The following TCF12 variants were observed in gnomAD, a reference collection of about 807,000 sequenced individuals.
TCF12 encodes the protein DNA-binding protein HTF4.
TCF12 carries 45 observed loss-of-function variants against 86.0 expected under a neutral mutation model. That is an observed-to-expected ratio of 0.52 (90% CI 0.41 to 0.67). TCF12 has a LOEUF of 0.67. Among genes scored for constraint, TCF12 ranks in the 30% least tolerant of loss-of-function variants. The pLI is 0.00. For missense variants in TCF12, 881 were observed against 859.9 expected (o/e 1.02, Z -0.31); for synonymous variants, 330 against 299.6 (o/e 1.10, Z -1.05).
At chr15:56,962,517 A>G (rs965281924) in intron 3 of TCF12, among the ~76,000 whole-genome samples, 2 of 152,204 alleles carry the variant, frequency 1.3e-5, no homozygotes, top group Non-Finnish European at 2.9e-5. Context: ...ATTACTATCC[A>G]TGTTAAAGAA....
chr15:57,251,530 T>C, intron 14 of TCF12, 107 bp downstream of exon 14: 1 of 1,056,658 alleles, frequency 9.5e-7, no homozygotes, highest in Non-Finnish European at 1.4e-6. Context: ...TGCACATGAA[T>C]TCTTTGCTAA....
At chr15:57,184,825 C>T (rs2056571996) in intron 6 of TCF12, among the ~76,000 whole-genome samples, 1 of 152,062 alleles carries the variant, frequency 6.6e-6, no homozygotes. Context: ...TTAATGATTC[C>T]TAGGTCATAC....
chr15:57,252,349 G>A, intron 14 of TCF12, 72 bp from the exon 15 acceptor site: 2 of 1,139,542 alleles, frequency 1.8e-6, no homozygotes, highest in South Asian at 1.3e-5. Context: ...ATGCATATCA[G>A]CTATTTCCTC....
chr15:57,139,117 A>G (rs1389959535), intron 5 of TCF12, among the ~76,000 whole-genome samples: 2 of 152,082 alleles, frequency 1.3e-5, no homozygotes, highest in Non-Finnish European at 2.9e-5. Context: ...AATTAATCTC[A>G]GTCAGTCTCA....
chr15:56,971,280 T>C (rs972452865), intron 3 of TCF12, among the ~76,000 whole-genome samples: 20 of 150,078 alleles, frequency 1.3e-4, no homozygotes, highest in Admixed American at 7.3e-4. Context: ...AAAAAAAAAT[T>C]AGCTGGGCGT....
intron 5 of TCF12, among the ~76,000 whole-genome samples, chr15:57,114,037 C>T (rs967482974): frequency 5.3e-5 from 8 of 152,090 alleles, no homozygotes; most frequent in African/African-American, 1.9e-4. Context: ...TAGATCTTCT[C>T]AATAGGGGTG....
intron 3 of TCF12, among the ~76,000 whole-genome samples, chr15:57,036,274 TGAA>T (rs1232815108): frequency 1.3e-5 from 2 of 152,030 alleles, no homozygotes; most frequent in Non-Finnish European, 2.9e-5. Context: ...TTTTTTTCAC[TGAA>T]GAAGTCATAG....
At chr15:57,015,986 A>G (rs1484124889) in intron 3 of TCF12, among the ~76,000 whole-genome samples, 1 of 152,176 alleles carries the variant, frequency 6.6e-6, no homozygotes, top group Non-Finnish European at 1.5e-5. Flanking sequence ...ATTTAAGGAA[A>G]CATCATATAG....
intron 13 of TCF12, among the ~76,000 whole-genome samples, chr15:57,246,286 T>G (rs1208675431): frequency 6.6e-6 from 1 of 152,190 alleles, no homozygotes; most frequent in Non-Finnish European, 1.5e-5. Flanking sequence ...AGTGTTTTCC[T>G]TGGGAACTTT....
intron 5 of TCF12, among the ~76,000 whole-genome samples, chr15:57,140,539 G>T (rs2052886025): frequency 6.6e-6 from 1 of 152,156 alleles, no homozygotes; most frequent in Non-Finnish European, 1.5e-5. Context: ...GTTTGATAAG[G>T]TTCCTGCATT....
At chr15:56,928,365 A>G (rs1229703199) in intron 3 of TCF12, among the ~76,000 whole-genome samples, 4 of 152,178 alleles carry the variant, frequency 2.6e-5, no homozygotes, top group Admixed American at 1.3e-4. Context: ...ATCATTATAA[A>G]GCCAGTATTA....
intron 3 of TCF12, among the ~76,000 whole-genome samples, chr15:56,946,665 A>G (rs1274205315): frequency 6.6e-6 from 1 of 151,486 alleles, no homozygotes; most frequent in Non-Finnish European, 1.5e-5. Context: ...TACATTATTG[A>G]GTGTTTGGAT....
chr15:57,140,093 A>T (rs953554420), intron 5 of TCF12, among the ~76,000 whole-genome samples: 2 of 152,210 alleles, frequency 1.3e-5, no homozygotes, highest in African/African-American at 4.8e-5. Context: ...TGAAAGAGAC[A>T]TTTGTACACC....
intron 3 of TCF12, among the ~76,000 whole-genome samples, chr15:57,020,682 A>G (rs1596153599): frequency 6.6e-6 from 1 of 152,176 alleles, no homozygotes; most frequent in African/African-American, 2.4e-5. Flanking sequence ...ATAAACATAT[A>G]TTGTTTAATT....
chr15:57,167,721 A>G (rs1259723465), intron 6 of TCF12, among the ~76,000 whole-genome samples: 1 of 152,172 alleles, frequency 6.6e-6, no homozygotes, highest in East Asian at 1.9e-4. Flanking sequence ...TTTGTTAAAT[A>G]TCATAGATTT....
At chr15:57,251,184 T>C (rs1269849127) in intron 13 of TCF12, 166 bp from the exon 14 acceptor site, 4 of 472,466 alleles carry the variant, frequency 8.5e-6, no homozygotes, top group Non-Finnish European at 1.5e-5. Context: ...AATGAAAGAT[T>C]TTTTAAAATG....
chr15:57,273,393 G>T (rs2061235876), intron 19 of TCF12, 131 bp downstream of exon 19: 5 of 953,570 alleles, frequency 5.2e-6, no homozygotes, highest in Admixed American at 5.5e-5. Flanking sequence ...TATCATCAGG[G>T]TCGTTTTTCC....
intron 5 of TCF12, among the ~76,000 whole-genome samples, chr15:57,097,901 A>G (rs2049439332): frequency 6.6e-6 from 1 of 151,656 alleles, no homozygotes; most frequent in Non-Finnish European, 1.5e-5. Flanking sequence ...CACCCCTGTA[A>G]TCCCAGCACT....
intron 7 of TCF12, among the ~76,000 whole-genome samples, chr15:57,197,242 C>T (rs1271438973): frequency 2.0e-5 from 3 of 148,560 alleles, no homozygotes; most frequent in Non-Finnish European, 4.4e-5. Context: ...CTGCAACCTC[C>T]ATCTCCCGGG....
Sources: allele counts gnomAD v4.1 joint callset (sites outside exome capture counted in the v4.1 genomes callset), GRCh38; gene constraint gnomAD v4.1.1; transcripts MANE v1.5; gene names NCBI Gene and HGNC (gene_info 2026-07-23, HGNC 2026-07-21).